FHIT: variants seen among roughly 807,000 people sequenced by gnomAD.
FHIT encodes fragile histidine triad diadenosine triphosphatase.
FHIT carries 19 observed loss-of-function variants against 17.9 expected under a neutral mutation model. That is an observed-to-expected ratio of 1.06 (90% CI 0.74 to 1.56). The LOEUF (loss-of-function observed/expected upper bound fraction) is 1.56, where lower values mean the gene tolerates loss of function less well. Ranked by LOEUF, FHIT falls within the 40% of genes most tolerant of loss-of-function variation. FHIT has a pLI of 0.00. For synonymous variants in FHIT, 81 were observed against 69.7 expected (o/e 1.16, Z -0.81); for missense variants, 248 against 189.2 (o/e 1.31, Z -1.82).
intron 4 of FHIT, among the ~76,000 whole-genome samples, chr3:60,719,604 C>T (rs1553707585): frequency 6.6e-6 from 1 of 152,188 alleles, no homozygotes; most frequent in African/African-American, 2.4e-5. Flanking sequence ...GCAGCGTCAG[C>T]AGCATTTGGG....
At chr3:60,358,677 A>G (rs1260685406) in intron 5 of FHIT, among the ~76,000 whole-genome samples, 1 of 152,198 alleles carries the variant, frequency 6.6e-6, no homozygotes. Flanking sequence ...ACAACATGGT[A>G]GGTCTATACT....
chr3:60,642,671 C>A lies in FHIT; in HGVS notation c.-17-105692G>T, dbSNP rs537850738. 1.3e-3 allele frequency among the ~76,000 whole-genome samples: 191 copies of A among 152,290 alleles called. 1 individual carries two copies. The highest frequency in any genetic ancestry group is 4.4e-3 in the African/African-American group (185 of 41,574). On this transcript the variant is annotated intron_variant, in intron 4 of 9. Transcript: ENST00000492590. ...GAAAGAGAAGAGTTCAGAGCAAAGT[C>A]ATCACAGGTGGAAACAATCTCAAGA...
intron 3 of FHIT, among the ~76,000 whole-genome samples, chr3:61,001,779 T>C (rs1374861008): frequency 6.6e-6 from 1 of 152,184 alleles, no homozygotes; most frequent in Non-Finnish European, 1.5e-5. Flanking sequence ...TGCGTAGAGC[T>C]ACACATGCAC....
At chr3:60,158,329 T>C (rs78116096) in intron 5 of FHIT, among the ~76,000 whole-genome samples, 10,380 of 152,150 alleles carry the variant, frequency 0.068, 402 homozygotes, top group Middle Eastern at 0.16. Context: ...TCTCTCTTTT[T>C]TTTTTTTGAG....
chr3:60,540,279 T>C (rs1238859856), intron 4 of FHIT, among the ~76,000 whole-genome samples: 12 of 152,324 alleles, frequency 7.9e-5, no homozygotes, highest in Non-Finnish European at 1.8e-4. Flanking sequence ...GTATCCTTTG[T>C]AATATTTGCT....
At chr3:60,764,169 C>T (rs1699764829) in intron 4 of FHIT, among the ~76,000 whole-genome samples, 1 of 152,100 alleles carries the variant, frequency 6.6e-6, no homozygotes, top group South Asian at 2.1e-4. Flanking sequence ...TCACTCCCAC[C>T]ATTCCTGAGG....
intron 5 of FHIT, among the ~76,000 whole-genome samples, chr3:60,281,787 A>G (rs750588880): frequency 6.6e-6 from 1 of 152,188 alleles, no homozygotes. Flanking sequence ...GTTTATAGAT[A>G]TAACAACAAA....
At chr3:61,188,843 C>T (rs2038614158) in intron 2 of FHIT, among the ~76,000 whole-genome samples, 1 of 152,132 alleles carries the variant, frequency 6.6e-6, no homozygotes, top group Non-Finnish European at 1.5e-5. Flanking sequence ...ACATGATTAT[C>T]TCAATAGATG....
chr3:61,005,291 G>A lies in FHIT; in HGVS notation c.-111+36756C>T, dbSNP rs116266088. ...TATTAGATAATTTTATTTTTATCAC[G>A]TTGAGGGGAATTAGAGAAAAACTTG... On this transcript the variant is annotated intron_variant, in intron 3 of 9. Coordinates refer to ENST00000492590, the MANE Select transcript of FHIT (RefSeq NM_002012.4). 4.6e-5 allele frequency among the ~76,000 whole-genome samples: 7 copies of A among 152,030 alleles called. No individual in the cohort carries two copies. In the East Asian group the frequency reaches 5.8e-4, roughly 13 times the overall value.
intron 7 of FHIT, among the ~76,000 whole-genome samples, chr3:59,957,414 C>G (rs536558361): frequency 6.6e-6 from 1 of 152,312 alleles, no homozygotes; most frequent in East Asian, 1.9e-4. Context: ...CTTCCAGCCT[C>G]CAGAACGGTG....
At position 60,520,465 on chromosome 3, in the gene FHIT, A is replaced by C. The variant is rs532564677; in HGVS notation, c.103+16395T>G. ...GAGCTGTGGATGAAAGAGATTTTAA[A>C]AAGAAACAGTAGTGTGATTTGAAAC... On this transcript the variant is annotated intron_variant, in intron 5 of 9. Coordinates refer to ENST00000492590, the MANE Select transcript of FHIT (RefSeq NM_002012.4). Among the ~76,000 whole-genome samples, 3 of 152,274 alleles carry C rather than the reference A, an allele frequency of 2.0e-5. No homozygotes were observed. In the East Asian group the frequency reaches 5.8e-4, roughly 29 times the overall value.
intron 4 of FHIT, among the ~76,000 whole-genome samples, chr3:60,727,549 GC>G (rs779558107): frequency 6.6e-6 from 1 of 152,142 alleles, no homozygotes; most frequent in African/African-American, 2.4e-5. Flanking sequence ...TGACGCAGGA[GC>G]CCCATTATAG....
At chr3:60,843,668 A>AATGGACTGT (rs11278628) in intron 3 of FHIT, among the ~76,000 whole-genome samples, 38,157 of 151,924 alleles carry the variant, frequency 0.25, 5,046 homozygotes, top group Middle Eastern at 0.33. Flanking sequence ...TGCTTCTCCA[A>AATGGACTGT]ATATAATTTC....
At chr3:60,104,603 A>G (rs1430181134) in intron 5 of FHIT, among the ~76,000 whole-genome samples, 1 of 152,124 alleles carries the variant, frequency 6.6e-6, no homozygotes, top group Admixed American at 6.5e-5. Context: ...CAATCACCAA[A>G]AGATTACAGA....
At chr3:60,503,640 T>G (rs910185146) in intron 5 of FHIT, among the ~76,000 whole-genome samples, 6 of 152,130 alleles carry the variant, frequency 3.9e-5, no homozygotes, top group African/African-American at 4.8e-5. Context: ...TTAATCATAT[T>G]GATGAAATAT....
At position 60,317,155 on chromosome 3, in the gene FHIT, T is replaced by C. The variant is rs114181085; in HGVS notation, c.103+219705A>G. 9.5e-3 allele frequency among the ~76,000 whole-genome samples: 1,445 copies of C among 151,994 alleles called. 9 individuals carry two copies. Among genetic ancestry groups the C allele is most frequent in the Non-Finnish European group, 0.012 (794 of 68,008 alleles). ...AGGTTCAAACTGTTACTCAACATTA[T>C]ATTTTTAAAAATTCAAATGGCTTAT... is the stretch of plus-strand genomic sequence containing the variant. On this transcript the variant is annotated intron_variant, in intron 5 of 9. Coordinates refer to ENST00000492590, the MANE Select transcript of FHIT (RefSeq NM_002012.4).
intron 5 of FHIT, among the ~76,000 whole-genome samples, chr3:60,494,905 C>T (rs1221307287): frequency 6.6e-6 from 1 of 152,174 alleles, no homozygotes; most frequent in African/African-American, 2.4e-5. Context: ...GCTTCCAAAT[C>T]TTGACTATTG....
At chr3:61,149,893 C>A (rs1397889000) in intron 2 of FHIT, among the ~76,000 whole-genome samples, 1 of 151,994 alleles carries the variant, frequency 6.6e-6, no homozygotes, top group Non-Finnish European at 1.5e-5. Context: ...TAAAAAAATG[C>A]TAAACTGGAC....
chr3:59,759,698 C>T (rs1447328003), intron 8 of FHIT, among the ~76,000 whole-genome samples: 1 of 152,102 alleles, frequency 6.6e-6, no homozygotes, highest in Non-Finnish European at 1.5e-5. Flanking sequence ...CTTCTGGCAC[C>T]TCCCTGGCAC....
Sources: gnomAD v4.1 joint callset for allele counts (sites outside exome capture counted in the v4.1 genomes callset) on GRCh38, gnomAD v4.1.1 for gene constraint, MANE v1.5 for transcripts, NCBI Gene and HGNC (gene_info 2026-07-23, HGNC 2026-07-21) for gene names.